The following GABRR2 variants were observed in gnomAD, a reference collection of about 807,000 sequenced individuals.
The protein encoded by GABRR2 is gamma-aminobutyric acid receptor subunit rho-2.
Under a neutral mutation model 47.0 loss-of-function variants are expected in GABRR2, and 36 were observed. The observed-to-expected ratio is 0.77, with a 90% CI of 0.59 to 1.01. GABRR2 has a LOEUF of 1.01. Among genes scored for constraint, GABRR2 ranks in the 50% least tolerant of loss-of-function variants. GABRR2 has a pLI of 0.00. For missense variants in GABRR2, 587 were observed against 594.6 expected (o/e 0.99, Z 0.13); for synonymous variants, 204 against 227.5 (o/e 0.90, Z 0.93).
intron 1 of GABRR2, chr6:89,302,409 C>T: frequency 1.8e-6 from 1 of 566,370 alleles, no homozygotes; most frequent in Non-Finnish European, 3.5e-6. Context: ...ACATCTGCGT[C>T]AGCACCCTCA....
At chr6:89,263,370 G>C (rs1773795466) in intron 8 of GABRR2, among the ~76,000 whole-genome samples, 1 of 152,122 alleles carries the variant, frequency 6.6e-6, no homozygotes, top group Non-Finnish European at 1.5e-5. Flanking sequence ...CAGTCAACAT[G>C]AGGCCATTAG....
At chr6:89,267,968 A>T (rs1773943428) in intron 5 of GABRR2, 46 bp downstream of exon 5, 1 of 1,591,620 alleles carries the variant, frequency 6.3e-7, no homozygotes, top group African/African-American at 1.3e-5. Context: ...TGGCACAAAG[A>T]TCAGAGAGGA....
Position 89,257,817 on chromosome 6 carries a change from G to A in GABRR2, c.1251C>T (p.Ala417=). ...GAAGCCCCTTCTTTCTGGCAGCGTT[G>A]GCTTCACCACTCAGGCCCAGGTGGA... ...IVVHLGLSGE[A]NAARKKGLLK... is the part of the protein sequence containing the mutation. Residue 417 remains alanine (A), a synonymous_variant, in exon 9 of 9, where the codon GCC becomes GCT. Coordinates refer to ENST00000402938, the MANE Select transcript of GABRR2 (RefSeq NM_002043.5). The A allele has an allele frequency of 6.2e-7, 1 of 1,614,054 alleles. No homozygotes were observed. The highest frequency in any genetic ancestry group is 8.5e-7 in the Non-Finnish European group (1 of 1,179,902).
intron 1 of GABRR2, among the ~76,000 whole-genome samples, chr6:89,312,341 T>C (rs1767694716): frequency 6.6e-6 from 1 of 152,070 alleles, no homozygotes; most frequent in African/African-American, 2.4e-5. Flanking sequence ...CAGCAGAAAA[T>C]AGGGGCTGGT....
intron 1 of GABRR2, among the ~76,000 whole-genome samples, chr6:89,307,600 C>A (rs1767590583): frequency 6.6e-6 from 1 of 152,294 alleles, no homozygotes; most frequent in South Asian, 2.1e-4. Flanking sequence ...GTCCTGAGAG[C>A]TGCCCAGGGC....
chr6:89,264,509 A>G lies in GABRR2; in HGVS notation c.989T>C (p.Val330Ala), dbSNP rs747190166. Residue 330 changes from valine to alanine, a missense_variant, in exon 8 of 9, where the codon GTC becomes GCC. Transcript: ENST00000402938. ...YVKAVDIYLW[V>A]SFVFVFLSVL... is the part of the protein sequence containing the mutation. ...CGAGAGGAACACGAACACAAAGCTG[A>G]CCCAGAGGTAGATGTCCACGGCCTT... is the stretch of plus-strand genomic sequence containing the variant. 5.6e-6 allele frequency: 9 copies of G among 1,614,080 alleles called. No homozygotes were observed. Among genetic ancestry groups the G allele is most frequent in the Non-Finnish European group, 6.8e-6 (8 of 1,180,002 alleles).
At chr6:89,283,469 A>G (rs1250246663) in intron 2 of GABRR2, among the ~76,000 whole-genome samples, 3 of 152,220 alleles carry the variant, frequency 2.0e-5, no homozygotes, top group African/African-American at 4.8e-5. Context: ...AAGAAGTTGT[A>G]TATGAGCTGA....
chr6:89,292,829 C>T (rs201234532), intron 2 of GABRR2, among the ~76,000 whole-genome samples: 1 of 19,782 alleles, frequency 5.1e-5, no homozygotes, highest in African/African-American at 1.1e-4. Context: ...TCGTATATAT[C>T]GTATATACGA....
At position 89,298,268 on chromosome 6, in the gene GABRR2, A is replaced by G. The variant is rs111276826; in HGVS notation, c.220+1491T>C. ...GAGGCTTTGAGGCCTTTTAAAATGC[A>G]TAGGCTTCTGGGATAAATTAATTTC... On this transcript the variant is annotated intron_variant, in intron 2 of 8. Coordinates refer to ENST00000402938, the MANE Select transcript of GABRR2 (RefSeq NM_002043.5). Among the ~76,000 whole-genome samples the G allele has an allele frequency of 9.9e-3, 1,511 of 152,328 alleles. 20 individuals carry two copies. The highest frequency in any genetic ancestry group is 0.035 in the African/African-American group (1,439 of 41,562).
At chr6:89,282,025 C>A (rs1418901562) in intron 2 of GABRR2, among the ~76,000 whole-genome samples, 1 of 152,198 alleles carries the variant, frequency 6.6e-6, no homozygotes, top group Non-Finnish European at 1.5e-5. Flanking sequence ...TTCAACTCAT[C>A]CGTCCAGCCA....
At chr6:89,261,738 C>T (rs1773750369) in intron 8 of GABRR2, among the ~76,000 whole-genome samples, 1 of 152,096 alleles carries the variant, frequency 6.6e-6, no homozygotes, top group South Asian at 2.1e-4. Flanking sequence ...TTGAGATAAA[C>T]AACGTTAAAA....
chr6:89,267,190 G>A (rs1182681122), intron 6 of GABRR2, among the ~76,000 whole-genome samples: 1 of 151,944 alleles, frequency 6.6e-6, no homozygotes, highest in African/African-American at 2.4e-5. Flanking sequence ...AGTAGAGATG[G>A]GGTTTTGCCA....
At chr6:89,310,590 C>A (rs1582468362) in intron 1 of GABRR2, among the ~76,000 whole-genome samples, 1 of 152,278 alleles carries the variant, frequency 6.6e-6, no homozygotes, top group South Asian at 2.1e-4. Flanking sequence ...ACCCTCTACT[C>A]TCAACCTTTA....
At chr6:89,266,996 CTTCT>C in intron 6 of GABRR2, among the ~76,000 whole-genome samples, 1 of 122,508 alleles carries the variant, frequency 8.2e-6, no homozygotes, top group Admixed American at 7.9e-5. Context: ...AATTTCTTTT[CTTCT>C]TTTTTTTTTT....
At chr6:89,314,963 G>A in intron 1 of GABRR2, 90 bp downstream of exon 1, 1 of 1,128,836 alleles carries the variant, frequency 8.9e-7, no homozygotes, top group Non-Finnish European at 1.3e-6. Flanking sequence ...ATCTCAATAG[G>A]ACCTTAGCCC....
rs1773837370 is a variant in GABRR2, at chr6:89,264,541, G to A, written c.957C>T (p.Ser319=). The change falls in exon 8 of 9, where the codon TCC becomes TCT. Residue 319 remains serine (S), a synonymous_variant. Transcript: ENST00000402938. The stretch of plus-strand genomic sequence containing the variant: ...GGTAGATGTCCACGGCCTTGACGTA[G>A]GAGACGCGCGGCATGGAGGCATTCA... The part of the protein sequence containing the change: ...TGVNASMPRV[S]YVKAVDIYLW... 1.9e-6 allele frequency: 3 copies of A among 1,614,140 alleles called. No homozygotes were observed. Among genetic ancestry groups the A allele is most frequent in the Non-Finnish European group, 2.5e-6 (3 of 1,180,022 alleles).
At chr6:89,310,096 A>G (rs1400360321) in intron 1 of GABRR2, among the ~76,000 whole-genome samples, 20 of 151,916 alleles carry the variant, frequency 1.3e-4, no homozygotes, top group Non-Finnish European at 1.5e-5. Context: ...GTTTGGACAA[A>G]TGTATAATGA....
chr6:89,304,597 GAAAA>G (rs1227062781), intron 1 of GABRR2, among the ~76,000 whole-genome samples: 3 of 94,668 alleles, frequency 3.2e-5, no homozygotes, highest in African/African-American at 1.2e-4. Context: ...TCAAAAAAAA[GAAAA>G]AAAAAAAAAG....
At chr6:89,259,425 A>G (rs368450087) in intron 8 of GABRR2, among the ~76,000 whole-genome samples, 368 of 151,178 alleles carry the variant, frequency 2.4e-3, no homozygotes, top group Non-Finnish European at 4.4e-3. Context: ...TTTGGGGGCT[A>G]TTTTTTTTCA....
Sources: gnomAD v4.1 joint callset for allele counts (sites outside exome capture counted in the v4.1 genomes callset) on GRCh38, gnomAD v4.1.1 for gene constraint, MANE v1.5 for transcripts, NCBI Gene and HGNC (gene_info 2026-07-23, HGNC 2026-07-21) for gene names.